Variants in TRAPPC8 observed in about 807,000 individuals in gnomAD.
The protein encoded by TRAPPC8 is trafficking protein particle complex subunit 8.
In TRAPPC8, 54 loss-of-function variants were observed where a neutral mutation model predicts 174.3. The observed-to-expected ratio is 0.31, with a 90% CI of 0.25 to 0.39. The LOEUF is 0.39. TRAPPC8 is among the 10% of genes least tolerant of loss of function. The pLI is 1.00. For synonymous variants in TRAPPC8, 630 were observed against 579.9 expected (o/e 1.09, Z -1.24); for missense variants, 1,531 against 1,699.1 (o/e 0.90, Z 1.74).
chr18:31,856,848 G>C (rs1351959269), intron 20 of TRAPPC8, among the ~76,000 whole-genome samples: 5 of 108,872 alleles, frequency 4.6e-5, no homozygotes, highest in Non-Finnish European at 8.5e-5. Context: ...GCCTTGCTCT[G>C]TCACCCAAGC....
Position 31,891,346 on chromosome 18 carries a change from T to C in TRAPPC8, c.1597-480A>G, listed in dbSNP as rs1279934391. 2.6e-5 allele frequency: 4 copies of C among 152,290 alleles called. No homozygotes were observed. The East Asian group carries it at 7.7e-4, about 29-fold the overall frequency. The allele number at this position is 152,290 out of a possible 1,614,324, so 9.4% of individuals were successfully genotyped here. ...ATCTACTATTTCATTCTCTGTAAAA[T>C]TTTACTGCATTTAAAGGAATCCTCA... is the stretch of plus-strand genomic sequence containing the variant. On this transcript the variant is annotated intron_variant, in intron 11 of 28. Coordinates refer to ENST00000283351, the MANE Select transcript of TRAPPC8 (RefSeq NM_014939.5).
intron 12 of TRAPPC8, among the ~76,000 whole-genome samples, chr18:31,879,861 C>G (rs950259031): frequency 2.0e-5 from 3 of 150,720 alleles, no homozygotes; most frequent in Non-Finnish European, 3.0e-5. Context: ...ACTAGAAAAC[C>G]TAGAGGAAAT....
chr18:31,903,217 G>T (rs1397216301), intron 9 of TRAPPC8, among the ~76,000 whole-genome samples: 1 of 152,040 alleles, frequency 6.6e-6, no homozygotes, highest in Non-Finnish European at 1.5e-5. Flanking sequence ...CTCCAAGAAG[G>T]AATTTCCAAG....
chr18:31,899,991 A>G (rs963421738), intron 10 of TRAPPC8, among the ~76,000 whole-genome samples: 2 of 151,852 alleles, frequency 1.3e-5, no homozygotes, highest in Non-Finnish European at 2.9e-5. Context: ...TAATACCAGC[A>G]CTTTGGGAGG....
intron 28 of TRAPPC8, among the ~76,000 whole-genome samples, 161 bp from the exon 29 acceptor site, chr18:31,831,150 C>G (rs1027900915): frequency 6.6e-6 from 1 of 152,030 alleles, no homozygotes; most frequent in African/African-American, 2.4e-5. Flanking sequence ...ATCAGGAGTT[C>G]AAGACCAGCC....
intron 2 of TRAPPC8, 58 bp from the exon 3 acceptor site, chr18:31,917,725 G>A: frequency 6.7e-7 from 1 of 1,483,702 alleles, no homozygotes; most frequent in Non-Finnish European, 9.2e-7. Context: ...GTTTACAACA[G>A]ACAAAATTTC....
intron 26 of TRAPPC8, among the ~76,000 whole-genome samples, chr18:31,842,218 T>C (rs139647853): frequency 1.1e-3 from 166 of 152,356 alleles, no homozygotes; most frequent in African/African-American, 3.6e-3. Flanking sequence ...TTTGGCCTTA[T>C]AGACTGGTAT....
intron 27 of TRAPPC8, among the ~76,000 whole-genome samples, chr18:31,835,583 C>T (rs2032665178): frequency 1.3e-5 from 2 of 152,326 alleles, no homozygotes; most frequent in African/African-American, 4.8e-5. Flanking sequence ...CCCACTTTGA[C>T]CACCATCTCC....
At chr18:31,864,117 C>G (rs2034472366) in intron 19 of TRAPPC8, among the ~76,000 whole-genome samples, 1 of 149,466 alleles carries the variant, frequency 6.7e-6, no homozygotes, top group African/African-American at 2.4e-5. Context: ...TATTACAGAA[C>G]AAGATCCTTC....
chr18:31,932,427 CA>C lies in TRAPPC8; in HGVS notation c.158-905del, dbSNP rs1360020262. 4.4e-3 allele frequency among the ~76,000 whole-genome samples: 540 copies of C among 121,774 alleles called. 2 individuals carry two copies. The highest frequency in any genetic ancestry group is 0.012 in the African/African-American group (394 of 32,942). 79.9% of individuals were successfully genotyped at this position (121,774 alleles called of 152,430 possible). ...GGGTGACAGAGTGAGACTTGGTCTCCAAAAAAAAAAAAACAACAACAACAAC... is the reference window on the plus strand; with the variant it reads ...GGGTGACAGAGTGAGACTTGGTCTCCAAAAAAAAAAAACAACAACAACAAC... On this transcript the variant is annotated intron_variant, in intron 1 of 28. Transcript: ENST00000283351.
intron 27 of TRAPPC8, among the ~76,000 whole-genome samples, chr18:31,835,806 C>G (rs1465854372): frequency 2.0e-5 from 3 of 152,294 alleles, no homozygotes; most frequent in South Asian, 4.1e-4. Flanking sequence ...ATATTAACAT[C>G]TTTTGATGCA....
At position 31,866,896 on chromosome 18, in the gene TRAPPC8, C is replaced by T; in HGVS notation, c.2543G>A (p.Gly848Asp). 1 of 1,613,672 alleles carries T rather than the reference C, an allele frequency of 6.2e-7. No homozygotes were observed. ...GVVYNLGTIQ[G>D]SMTVDGIGAL... ...ACCAATGCCATCTACTGTCATAGAG[C>T]CCTGAATAGTGCCAAGATTATAAAC... is the stretch of plus-strand genomic sequence containing the variant. The change falls in exon 18 of 29, where the codon GGC becomes GAC. Residue 848 changes from glycine to aspartate, a missense_variant. Gly to Asp is a moderately conservative substitution (Grantham distance 94). Coordinates refer to ENST00000283351, the MANE Select transcript of TRAPPC8 (RefSeq NM_014939.5).
chr18:31,934,737 C>T (rs1283247654), intron 1 of TRAPPC8, among the ~76,000 whole-genome samples: 2 of 151,632 alleles, frequency 1.3e-5, no homozygotes, highest in African/African-American at 2.4e-5. Flanking sequence ...CATGGTGGCA[C>T]GTGCCTGTAA....
chr18:31,930,977 A>T (rs1449079620), intron 2 of TRAPPC8, among the ~76,000 whole-genome samples: 1 of 149,796 alleles, frequency 6.7e-6, no homozygotes, highest in Non-Finnish European at 1.5e-5. Flanking sequence ...AACAGATTAC[A>T]TATTTACGCA....
chr18:31,896,215 A>G (rs1249509317), intron 11 of TRAPPC8: 1 of 152,216 alleles, frequency 6.6e-6, no homozygotes, highest in Admixed American at 6.5e-5. Flanking sequence ...AATTAGGCAA[A>G]GCAAAAGGAA....
intron 2 of TRAPPC8, among the ~76,000 whole-genome samples, chr18:31,929,856 T>G (rs1220702802): frequency 6.6e-6 from 1 of 152,158 alleles, no homozygotes; most frequent in Non-Finnish European, 1.5e-5. Flanking sequence ...ATACCCAAAT[T>G]TTTGCTTCAT....
chr18:31,927,875 G>A (rs867590457), intron 2 of TRAPPC8, among the ~76,000 whole-genome samples: 21 of 152,210 alleles, frequency 1.4e-4, no homozygotes, highest in African/African-American at 4.6e-4. Flanking sequence ...TAGCAAATGA[G>A]TGGACCTGGT....
At chr18:31,861,654 G>A (rs1397024409) in intron 19 of TRAPPC8, among the ~76,000 whole-genome samples, 2 of 152,012 alleles carry the variant, frequency 1.3e-5, no homozygotes, top group East Asian at 1.9e-4. Context: ...AAAATCATAG[G>A]TGCTGGGCAC....
chr18:31,852,335 TC>T (rs527743480), intron 24 of TRAPPC8, 110 bp downstream of exon 24: 13 of 1,186,736 alleles, frequency 1.1e-5, no homozygotes, highest in African/African-American at 3.1e-5. Flanking sequence ...AGACCTTGTC[TC>T]CCCCCCAAAA....
Sources: allele counts gnomAD v4.1 joint callset (sites outside exome capture counted in the v4.1 genomes callset), GRCh38; gene constraint gnomAD v4.1.1; transcripts MANE v1.5; gene names NCBI Gene and HGNC (gene_info 2026-07-23, HGNC 2026-07-21).